MYO5C: variants seen among roughly 807,000 people sequenced by gnomAD.
The protein encoded by MYO5C is myosin VC, also known as unconventional myosin-Vc.
MYO5C carries 194 observed loss-of-function variants against 235.7 expected under a neutral mutation model. The observed-to-expected ratio is 0.82, with a 90% confidence interval of 0.73 to 0.93. The LOEUF (loss-of-function observed/expected upper bound fraction) is 0.93. Ranked by LOEUF, MYO5C falls within the 40% of genes least tolerant of loss-of-function variation. MYO5C has a pLI of 0.00. For synonymous variants in MYO5C, 707 were observed against 754.8 expected, an observed-to-expected ratio of 0.94 and a Z score of 1.04; for missense variants, 2,038 against 2,127.2, an observed-to-expected ratio of 0.96 and a Z score of 0.82.
At chr15:52,284,863 A>G (rs1419876473) in intron 1 of MYO5C, among the ~76,000 whole-genome samples, 1 of 148,332 alleles carries the variant, frequency 6.7e-6, no homozygotes, top group Non-Finnish European at 1.5e-5. Flanking sequence ...TTTAAGAGAC[A>G]GGATCTAGTT....
intron 8 of MYO5C, among the ~76,000 whole-genome samples, chr15:52,267,452 G>A (rs1241598201): frequency 6.6e-6 from 1 of 152,208 alleles, no homozygotes; most frequent in East Asian, 1.9e-4. Flanking sequence ...TTGGGAGACA[G>A]AGGCGGGCGG....
intron 22 of MYO5C, chr15:52,236,665 G>A (rs1044923816): frequency 1.3e-5 from 2 of 151,790 alleles, no homozygotes; most frequent in African/African-American, 4.8e-5. Context: ...GACAGAGCAA[G>A]ACTCCGTCTA....
intron 5 of MYO5C, among the ~76,000 whole-genome samples, chr15:52,274,273 C>T (rs1485703663): frequency 6.6e-6 from 1 of 152,170 alleles, no homozygotes; most frequent in Non-Finnish European, 1.5e-5. Context: ...TAACTTGGCA[C>T]TGGCTCTTGA....
intron 27 of MYO5C, 34 bp downstream of exon 27, chr15:52,225,040 TG>T (rs1566968964): frequency 3.7e-6 from 6 of 1,613,362 alleles, no homozygotes; most frequent in Non-Finnish European, 5.1e-6. Context: ...CATGTTTACA[TG>T]TCTTAAAATG....
At chr15:52,274,513 A>G (rs879824643) in intron 5 of MYO5C, among the ~76,000 whole-genome samples, 2 of 152,100 alleles carry the variant, frequency 1.3e-5, no homozygotes, top group Non-Finnish European at 1.5e-5. Flanking sequence ...TTCTGAGCTC[A>G]AGCAATCCAC....
intron 6 of MYO5C, 65 bp downstream of exon 6, chr15:52,272,515 G>A (rs923076091): frequency 1.1e-5 from 17 of 1,505,192 alleles, no homozygotes; most frequent in Non-Finnish European, 1.6e-5. Flanking sequence ...GCCTGAGTAT[G>A]TATAATAAGT....
rs1412831963 is a variant in MYO5C at position 52,223,595 on chromosome 15, G to A, written c.3576C>T (p.Asp1192=). Residue 1192 remains aspartate, a synonymous_variant, in exon 29 of 41, where the codon GAC becomes GAT. Transcript: ENST00000261839. ...HLQKLFREEN[D]INESIRHEVT... is the part of the protein sequence containing the mutation. ...CTTCATGACGGATGCTTTCATTGATGTCATTTTCTTCTCTGAATAACTTCT... is the reference window on the plus strand; with the variant it reads ...CTTCATGACGGATGCTTTCATTGATATCATTTTCTTCTCTGAATAACTTCT... 1 of 1,614,130 alleles carries A rather than the reference G, an allele frequency of 6.2e-7. No individual in the cohort carries two copies. Among genetic ancestry groups the A allele is most frequent in the East Asian group, 2.2e-5 (1 of 44,870 alleles).
At chr15:52,269,664 T>A (rs2036878445) in intron 8 of MYO5C, 89 bp downstream of exon 8, 3 of 822,624 alleles carry the variant, frequency 3.6e-6, no homozygotes, top group Non-Finnish European at 4.0e-6. Flanking sequence ...GTGTTGGGAT[T>A]ACAGGTGTGA....
At chr15:52,251,059 A>T (rs1182988859) in intron 13 of MYO5C, 1 of 169,058 alleles carries the variant, frequency 5.9e-6, no homozygotes, top group Non-Finnish European at 1.3e-5. Flanking sequence ...AAAAAAATAT[A>T]GCTTTCATCA....
rs2035786375 is a variant in MYO5C, at chr15:52,224,935, A to G, written c.3412T>C (p.Trp1138Arg). The G allele has an allele frequency of 3.1e-6, 5 of 1,614,054 alleles. No homozygotes were observed. Among genetic ancestry groups the G allele is most frequent in the Non-Finnish European group, 4.2e-6 (5 of 1,179,984 alleles). The change falls in exon 28 of 41, where the codon TGG (tryptophan) becomes CGG (arginine). Residue 1138 changes from tryptophan (W) to arginine (R), a missense_variant. Trp to Arg is a moderately radical substitution (Grantham distance 101, BLOSUM62 -3). Coordinates refer to ENST00000261839, the MANE Select transcript of MYO5C (RefSeq NM_018728.4). ...TTCTTTAGTCCTTCATAAGCAAACC[A>G]AAGTTCTCCATCCTCATTTAAATGT... is the stretch of plus-strand genomic sequence containing the variant. ...LEHLNEDGEL[W>R]FAYEGLKKAT...
At chr15:52,248,825 G>T (rs935308320) in intron 13 of MYO5C, 42 bp from the exon 14 acceptor site, 29 of 1,311,704 alleles carry the variant, frequency 2.2e-5, no homozygotes, top group Middle Eastern at 1.8e-4. Context: ...AGAGGCCAAA[G>T]AATATAGCCT....
At chr15:52,293,052 CTCT>C (rs1322588062) in intron 1 of MYO5C, among the ~76,000 whole-genome samples, 6 of 152,198 alleles carry the variant, frequency 3.9e-5, no homozygotes. Context: ...GCCAGACCGG[CTCT>C]TCTTAAGAGA....
chr15:52,225,065 A>C lies in MYO5C; in HGVS notation c.3365+10T>G, dbSNP rs200400435. The C allele has an allele frequency of 6.2e-7, 1 of 1,613,942 alleles. No individual in the cohort carries two copies. Among genetic ancestry groups the C allele is most frequent in the Non-Finnish European group, 8.5e-7 (1 of 1,179,976 alleles). The stretch of plus-strand genomic sequence containing the variant: ...TGTCTTAAAATGTTTGATAATGCAA[A>C]AATGATTACCTGCTTCTTACATCTT... On this transcript the variant is annotated intron_variant, in intron 27 of 40. Coordinates refer to ENST00000261839, the MANE Select transcript of MYO5C (RefSeq NM_018728.4).
chr15:52,269,688 GC>G, intron 8 of MYO5C, 64 bp downstream of exon 8: 1 of 1,082,656 alleles, frequency 9.2e-7, no homozygotes, highest in Admixed American at 1.9e-5. Context: ...ACCACGCCTG[GC>G]CTTAATTTTT....
intron 32 of MYO5C, among the ~76,000 whole-genome samples, chr15:52,215,029 T>C (rs1397165276): frequency 6.6e-6 from 1 of 152,226 alleles, no homozygotes; most frequent in Admixed American, 6.5e-5. Context: ...GAATAGGTTT[T>C]TTGTGTGTGT....
Position 52,208,649 on chromosome 15 carries a change from G to A in MYO5C, c.4297-6C>T, listed in dbSNP as rs750231413. On this transcript the variant is annotated splice_region_variant and splice_polypyrimidine_tract_variant and intron_variant, in intron 35 of 40. Transcript: ENST00000261839. The stretch of plus-strand genomic sequence containing the variant: ...TCAAAGTCTTCTAAATGTTCCTTAG[G>A]AAAATAAGAAAAGACAAAATTGGTC... The A allele has an allele frequency of 6.8e-6, 11 of 1,612,560 alleles. No individual in the cohort carries two copies. Among genetic ancestry groups the A allele is most frequent in the East Asian group, 4.5e-5 (2 of 44,872 alleles).
At chr15:52,235,408 T>C (rs1186965730) in intron 23 of MYO5C, among the ~76,000 whole-genome samples, 2 of 152,168 alleles carry the variant, frequency 1.3e-5, no homozygotes, top group African/African-American at 4.8e-5. Context: ...GGTCCGACCA[T>C]CTGTACTTTG....
At chr15:52,208,015 C>T (rs533279918) in intron 36 of MYO5C, among the ~76,000 whole-genome samples, 1 of 152,296 alleles carries the variant, frequency 6.6e-6, no homozygotes, top group South Asian at 2.1e-4. Context: ...ACATCATACA[C>T]TGCTGGTGGG....
chr15:52,194,701 TATTATCATATA>T (rs1242797985), intron 40 of MYO5C, among the ~76,000 whole-genome samples: 1 of 151,630 alleles, frequency 6.6e-6, no homozygotes, highest in Non-Finnish European at 1.5e-5. Flanking sequence ...TGACTTAATA[TATTATCATATA>T]TAACCATATA....
Sources: gnomAD v4.1 joint callset for allele counts (sites outside exome capture counted in the v4.1 genomes callset) on GRCh38, gnomAD v4.1.1 for gene constraint, MANE v1.5 for transcripts, NCBI Gene and HGNC (gene_info 2026-07-23, HGNC 2026-07-21) for gene names.